The following LHFPL3 variants were observed in gnomAD, a reference collection of about 807,000 sequenced individuals.
The protein encoded by LHFPL3 is LHFPL tetraspan subfamily member 3.
A neutral mutation model predicts 19.3 loss-of-function variants in LHFPL3; 5 were observed. The observed-to-expected ratio is 0.26, with a 90% CI of 0.14 to 0.54. LHFPL3 has a LOEUF of 0.54. LHFPL3 is among the 20% of genes least tolerant of loss of function. The pLI is 0.94. For synonymous variants in LHFPL3, 133 were observed against 126.2 expected (o/e 1.05, Z -0.36); for missense variants, 249 against 307.4 (o/e 0.81, Z 1.42).
intron 1 of LHFPL3, among the ~76,000 whole-genome samples, chr7:104,445,709 C>G (rs1173875619): frequency 6.6e-6 from 1 of 152,176 alleles, no homozygotes; most frequent in East Asian, 1.9e-4. Flanking sequence ...AACAATCAAA[C>G]TTGTATCCAG....
At chr7:104,356,979 C>T (rs963733697) in intron 1 of LHFPL3, among the ~76,000 whole-genome samples, 2 of 152,106 alleles carry the variant, frequency 1.3e-5, no homozygotes, top group Non-Finnish European at 2.9e-5. Context: ...GTTGTAGAAG[C>T]TTAAAAGGCA....
intron 1 of LHFPL3, among the ~76,000 whole-genome samples, chr7:104,664,858 G>T (rs1454519426): frequency 3.3e-5 from 5 of 152,178 alleles, no homozygotes; most frequent in African/African-American, 1.2e-4. Flanking sequence ...GCTTAGATGG[G>T]ACTAGATGCA....
intron 1 of LHFPL3, among the ~76,000 whole-genome samples, chr7:104,335,886 T>C (rs1316250062): frequency 1.3e-5 from 2 of 148,682 alleles, no homozygotes; most frequent in Non-Finnish European, 3.0e-5. Context: ...CAGAAGAGCA[T>C]ATAGCTAGAG....
chr7:104,455,712 C>CT (rs531388898), intron 1 of LHFPL3, among the ~76,000 whole-genome samples: 2 of 152,246 alleles, frequency 1.3e-5, no homozygotes, highest in African/African-American at 4.8e-5. Flanking sequence ...AACAGTGAGG[C>CT]TCCATCTCAA....
At chr7:104,569,478 G>T (rs943431155) in intron 1 of LHFPL3, among the ~76,000 whole-genome samples, 2 of 152,112 alleles carry the variant, frequency 1.3e-5, no homozygotes, top group Non-Finnish European at 2.9e-5. Flanking sequence ...TCTTATTTGG[G>T]GGGAGGGGTA....
At chr7:104,468,876 G>A (rs1040596385) in intron 1 of LHFPL3, among the ~76,000 whole-genome samples, 1 of 152,028 alleles carries the variant, frequency 6.6e-6, no homozygotes, top group Admixed American at 6.6e-5. Flanking sequence ...GGCCAGGCTG[G>A]TCTTGAACTC....
At chr7:104,495,225 A>G (rs1793438457) in intron 1 of LHFPL3, among the ~76,000 whole-genome samples, 1 of 152,050 alleles carries the variant, frequency 6.6e-6, no homozygotes, top group African/African-American at 2.4e-5. Context: ...TTTTCTTTTT[A>G]GAGACAGAGT....
chr7:104,379,441 T>C (rs1374580847), intron 1 of LHFPL3, among the ~76,000 whole-genome samples: 1 of 152,230 alleles, frequency 6.6e-6, no homozygotes. Context: ...AAATGGAGTC[T>C]GCCCCTTACT....
intron 1 of LHFPL3, among the ~76,000 whole-genome samples, chr7:104,375,642 G>A (rs1790700159): frequency 6.6e-6 from 1 of 152,160 alleles, no homozygotes; most frequent in Non-Finnish European, 1.5e-5. Flanking sequence ...ACAGAAGATT[G>A]AAATGTTCGT....
At chr7:104,668,846 A>G in intron 1 of LHFPL3, 1 of 1,611,672 alleles carries the variant, frequency 6.2e-7, no homozygotes, top group Non-Finnish European at 8.5e-7. Flanking sequence ...GCCTGTTGAC[A>G]CAGCTGCTAG....
chr7:104,890,220 T>C (rs976920286), intron 2 of LHFPL3, among the ~76,000 whole-genome samples: 2 of 152,222 alleles, frequency 1.3e-5, no homozygotes, highest in Non-Finnish European at 2.9e-5. Flanking sequence ...GGAGGGTCCC[T>C]TGAGCCCAGG....
intron 1 of LHFPL3, among the ~76,000 whole-genome samples, chr7:104,339,018 C>T (rs1206675906): frequency 6.6e-6 from 1 of 152,050 alleles, no homozygotes; most frequent in African/African-American, 2.4e-5. Flanking sequence ...GAGGCCGAGG[C>T]GGGTGGATCG....
At chr7:104,553,325 T>G (rs1447922053) in intron 1 of LHFPL3, among the ~76,000 whole-genome samples, 1 of 152,198 alleles carries the variant, frequency 6.6e-6, no homozygotes, top group Non-Finnish European at 1.5e-5. Flanking sequence ...AACTGTACTG[T>G]AAGGCACAAA....
At chr7:104,667,896 G>C in intron 1 of LHFPL3, 1 of 1,612,676 alleles carries the variant, frequency 6.2e-7, no homozygotes, top group Non-Finnish European at 8.5e-7. Context: ...CCTGGAAGGA[G>C]ATGTTTCTAC....
At chr7:104,900,326 G>A (rs1167357262) in intron 2 of LHFPL3, among the ~76,000 whole-genome samples, 1 of 152,192 alleles carries the variant, frequency 6.6e-6, no homozygotes, top group Non-Finnish European at 1.5e-5. Flanking sequence ...AAGAGAAAGA[G>A]ACGTTCATGA....
chr7:104,459,184 T>G (rs1350152404), intron 1 of LHFPL3, among the ~76,000 whole-genome samples: 1 of 152,252 alleles, frequency 6.6e-6, no homozygotes, highest in East Asian at 1.9e-4. Context: ...ACCACCTGTG[T>G]AACCAATTTC....
intron 1 of LHFPL3, among the ~76,000 whole-genome samples, chr7:104,503,699 A>T (rs1793644176): frequency 6.6e-6 from 1 of 152,076 alleles, no homozygotes; most frequent in Admixed American, 6.6e-5. Flanking sequence ...CCTCCTGAGT[A>T]GCTGGAACCA....
intron 2 of LHFPL3, among the ~76,000 whole-genome samples, chr7:104,819,491 A>G (rs1400809886): frequency 6.6e-6 from 1 of 152,142 alleles, no homozygotes; most frequent in Non-Finnish European, 1.5e-5. Context: ...TTATTTCTCA[A>G]TATCCCAGCA....
At chr7:104,715,624 G>A (rs1022212266) in intron 1 of LHFPL3, among the ~76,000 whole-genome samples, 1 of 152,064 alleles carries the variant, frequency 6.6e-6, no homozygotes, top group Non-Finnish European at 1.5e-5. Flanking sequence ...TTTCTCAAGT[G>A]CTTTTCCTAC....
Sources: gnomAD v4.1 joint callset for allele counts (sites outside exome capture counted in the v4.1 genomes callset) on GRCh38, gnomAD v4.1.1 for gene constraint, MANE v1.5 for transcripts, NCBI Gene and HGNC (gene_info 2026-07-23, HGNC 2026-07-21) for gene names.